Variants in HEG1 observed in about 807,000 individuals in gnomAD.
HEG1 encodes the protein heart development protein with EGF like domains 1, also known as protein HEG homolog 1.
Under a neutral mutation model 125.6 loss-of-function variants are expected in HEG1, and 56 were observed. The observed-to-expected ratio is 0.45, with a 90% CI of 0.36 to 0.56. The LOEUF (loss-of-function observed/expected upper bound fraction) is 0.56, where lower values mean the gene tolerates loss of function less well. Ranked by LOEUF, HEG1 falls within the 20% of genes least tolerant of loss-of-function variation. The pLI is 0.00. For synonymous variants in HEG1, 644 were observed against 668.5 expected, an observed-to-expected ratio of 0.96 and a Z score of 0.57; for missense variants, 1,523 against 1,670.0, an observed-to-expected ratio of 0.91 and a Z score of 1.53.
chr3:125,043,891 A>G (rs2107712855), intron 1 of HEG1, among the ~76,000 whole-genome samples: 1 of 151,904 alleles, frequency 6.6e-6, no homozygotes, highest in African/African-American at 2.4e-5. Context: ...AGGCGGGTGC[A>G]GGAGGGGCGG....
intron 9 of HEG1, among the ~76,000 whole-genome samples, chr3:125,004,744 G>A (rs947750153): frequency 1.3e-5 from 2 of 152,038 alleles, no homozygotes; most frequent in Admixed American, 6.5e-5. Flanking sequence ...GATAAAAAGC[G>A]GGCAAAGAGG....
chr3:125,039,545 A>C (rs1278864074), intron 1 of HEG1, among the ~76,000 whole-genome samples: 1 of 152,186 alleles, frequency 6.6e-6, no homozygotes, highest in Non-Finnish European at 1.5e-5. Context: ...CAATTGAAGA[A>C]CAAGCCCTTT....
In HEG1 at chr3:125,027,405, C is replaced by T; in HGVS notation, c.713G>A (p.Arg238Lys). 6.2e-7 allele frequency: 1 copy of T among 1,614,042 alleles called. No homozygotes were observed. The highest frequency in any genetic ancestry group is 8.5e-7 in the Non-Finnish European group (1 of 1,179,894). ...CCATTCTTCTGACAGCCCCATCGCC[C>T]TCTCTGTTCCCATCTCCGAGGCTGT... ...SGTASEMGTE[R>K]AMGLSEEWTV... The change falls in exon 3 of 17, where the codon AGG becomes AAG. Residue 238 changes from arginine (R) to lysine (K), a missense_variant. Transcript: ENST00000311127.
chr3:124,988,583 G>A (rs555602988), intron 14 of HEG1, among the ~76,000 whole-genome samples: 2 of 152,156 alleles, frequency 1.3e-5, no homozygotes, highest in East Asian at 3.9e-4. Context: ...AAGAGTACAG[G>A]GTTGTTTACT....
At chr3:125,035,860 GA>G (rs1937543243) in intron 1 of HEG1, among the ~76,000 whole-genome samples, 1 of 152,092 alleles carries the variant, frequency 6.6e-6, no homozygotes, top group Admixed American at 6.6e-5. Context: ...GGGATAATTA[GA>G]ATCATGTTGC....
In HEG1 at chr3:124,987,952, C is replaced by CACACACACACACACACATATATATATAT; in HGVS notation, c.3733+2834_3733+2835insATATATATATATGTGTGTGTGTGTGTGT. 2.9e-3 allele frequency among the ~76,000 whole-genome samples: 159 copies of CACACACACACACACACATATATATATAT among 54,556 alleles called. 2 individuals are homozygous for CACACACACACACACACATATATATATAT. Among genetic ancestry groups the CACACACACACACACACATATATATATAT allele is most frequent in the Middle Eastern group, 9.8e-3 (1 of 102 alleles). The allele number at this position is 54,556 out of a possible 152,430, so 35.8% of individuals were successfully genotyped here. On this transcript the variant is annotated intron_variant, in intron 14 of 16. Transcript: ENST00000311127. ...ACACACACACACACACACACACACA[C>CACACACACACACACACATATATATATAT]ATATATATATATATATATATATACC...
At chr3:125,028,864 C>T (rs1176627944) in intron 2 of HEG1, among the ~76,000 whole-genome samples, 1 of 152,200 alleles carries the variant, frequency 6.6e-6, no homozygotes, top group African/African-American at 2.4e-5. Flanking sequence ...TCAACACAAA[C>T]CAAACCCAAG....
At chr3:125,017,508 C>CA (rs1337554132) in intron 5 of HEG1, among the ~76,000 whole-genome samples, 1 of 152,144 alleles carries the variant, frequency 6.6e-6, no homozygotes, top group East Asian at 1.9e-4. Context: ...AAATACAAGT[C>CA]AAAACCACAA....
chr3:124,975,557 C>T (rs1936519532), intron 15 of HEG1, among the ~76,000 whole-genome samples: 1 of 152,174 alleles, frequency 6.6e-6, no homozygotes, highest in Admixed American at 6.5e-5. Flanking sequence ...ACATATCATG[C>T]GATTCACTCA....
At chr3:124,991,669 T>C (rs1936836078) in intron 12 of HEG1, among the ~76,000 whole-genome samples, 1 of 152,072 alleles carries the variant, frequency 6.6e-6, no homozygotes, top group Non-Finnish European at 1.5e-5. Flanking sequence ...TAGAGTGCAG[T>C]GGCACTATCT....
chr3:125,043,873 G>T (rs930697567), intron 1 of HEG1, among the ~76,000 whole-genome samples: 2 of 152,196 alleles, frequency 1.3e-5, no homozygotes, highest in African/African-American at 2.4e-5. Flanking sequence ...AGGAGGAAGA[G>T]GGGGGAGAGG....
chr3:125,012,375 C>T (rs1445756625), intron 6 of HEG1, among the ~76,000 whole-genome samples: 2 of 152,240 alleles, frequency 1.3e-5, no homozygotes, highest in African/African-American at 4.8e-5. Context: ...TAATGTGACA[C>T]ATGGCCAATG....
intron 8 of HEG1, among the ~76,000 whole-genome samples, chr3:125,007,027 G>A (rs1180977885): frequency 9.9e-5 from 15 of 151,348 alleles, no homozygotes; most frequent in South Asian, 4.2e-4. Context: ...GTGAAACCCC[G>A]TCTCTACTAA....
chr3:124,985,887 C>T (rs1936730498), intron 14 of HEG1, among the ~76,000 whole-genome samples: 2 of 152,246 alleles, frequency 1.3e-5, no homozygotes, highest in Non-Finnish European at 2.9e-5. Flanking sequence ...AAGCGATTAT[C>T]CTGCCTCAGC....
In HEG1 at chr3:125,055,682, C is replaced by G; in HGVS notation, c.209G>C (p.Arg70Pro). 2 of 1,135,798 alleles carry G rather than the reference C, an allele frequency of 1.8e-6. No individual in the cohort carries two copies. The highest frequency in any genetic ancestry group is 2.2e-6 in the Non-Finnish European group (2 of 927,296). The allele number at this position is 1,135,798 out of a possible 1,614,324, so 70.4% of individuals were successfully genotyped here. A position where few individuals can be genotyped will look rare whatever the true frequency, so the allele number is the denominator to read the frequency against. The change falls in exon 1 of 17, where the codon CGG becomes CCG. Residue 70 changes from arginine to proline, a missense_variant. Arg to Pro is a moderately radical substitution (Grantham distance 103). Coordinates refer to ENST00000311127, the MANE Select transcript of HEG1 (RefSeq NM_020733.2). ...PEREPPPTPPRERRGPATPGP... is the reference protein window; with the variant it reads ...PEREPPPTPPPERRGPATPGP... ...GGGGGTCGCGGGCCCGCGGCGCTCC[C>G]GGGGCGGCGTGGGCGGCGGCTCGCG... is the stretch of plus-strand genomic sequence containing the variant.
chr3:124,966,169 G>A lies in HEG1; in HGVS notation c.*4483C>T, dbSNP rs1936305959. On this transcript the variant is annotated 3_prime_UTR_variant, in exon 17 of 17. Transcript: ENST00000311127. ...CCCATCCTCCCTACCCAAGAAATCT[G>A]TAATGAAGTATGTTAAGTGCATTTT... The A allele has an allele frequency of 6.6e-6, 1 of 152,180 alleles. No homozygotes were observed. The highest frequency in any genetic ancestry group is 1.5e-5 in the Non-Finnish European group (1 of 68,042). 9.4% of individuals were successfully genotyped at this position (152,180 alleles called of 1,614,324 possible). A position where few individuals can be genotyped will look rare whatever the true frequency, so the allele number is the denominator to read the frequency against.
chr3:124,966,603 C>T lies in HEG1; in HGVS notation c.*4049G>A, dbSNP rs1314992411. On this transcript the variant is annotated 3_prime_UTR_variant, in exon 17 of 17. Coordinates refer to ENST00000311127, the MANE Select transcript of HEG1 (RefSeq NM_020733.2). ...GCTTTCAGACAGGAAAAAAAAGATG[C>T]TACTAAGGGTAATTTCAAGTAAAAT... 2.0e-5 allele frequency: 3 copies of T among 152,152 alleles called. No individual in the cohort carries two copies. The highest frequency in any genetic ancestry group is 2.9e-5 in the Non-Finnish European group (2 of 68,022). The allele number at this position is 152,152 out of a possible 1,614,324, so 9.4% of individuals were successfully genotyped here.
At chr3:125,005,452 G>A (rs1043480977) in intron 8 of HEG1, 84 bp from the exon 9 acceptor site, 77 of 671,824 alleles carry the variant, frequency 1.1e-4, no homozygotes, top group Non-Finnish European at 1.7e-4. Context: ...TGGGGTGTCC[G>A]GCTTTACTCC....
chr3:125,048,051 G>A (rs967747769), intron 1 of HEG1, among the ~76,000 whole-genome samples: 8 of 152,100 alleles, frequency 5.3e-5, no homozygotes, highest in Non-Finnish European at 1.2e-4. Flanking sequence ...TCTTCAGTGA[G>A]GTCAGATCCT....
Sources: allele counts gnomAD v4.1 joint callset (sites outside exome capture counted in the v4.1 genomes callset), GRCh38; gene constraint gnomAD v4.1.1; transcripts MANE v1.5; gene names NCBI Gene and HGNC (gene_info 2026-07-23, HGNC 2026-07-21).